HIVEP1: variants seen among roughly 807,000 people sequenced by gnomAD.
HIVEP1 encodes the protein HIVEP zinc finger 1, also known as zinc finger protein 40.
In HIVEP1, 36 loss-of-function variants were observed where a neutral mutation model predicts 180.0. The observed-to-expected ratio is 0.20, with a 90% CI of 0.15 to 0.26. The LOEUF is 0.26. HIVEP1 is among the 10% of genes least tolerant of loss of function. The pLI, the probability that HIVEP1 is intolerant of heterozygous loss-of-function variation, is 1.00. For synonymous variants in HIVEP1, 1,239 were observed against 1,239.0 expected, an observed-to-expected ratio of 1.00 and a Z score of 0.00; for missense variants, 3,143 against 3,268.7, an observed-to-expected ratio of 0.96 and a Z score of 0.94.
intron 3 of HIVEP1, among the ~76,000 whole-genome samples, chr6:12,096,578 T>C (rs1177058339): frequency 2.0e-5 from 3 of 151,846 alleles, no homozygotes; most frequent in Non-Finnish European, 4.4e-5. Flanking sequence ...AATAATATTT[T>C]TGAAGATAAT....
At chr6:12,104,463 T>A in intron 3 of HIVEP1, among the ~76,000 whole-genome samples, 1 of 136,422 alleles carries the variant, frequency 7.3e-6, no homozygotes, top group South Asian at 2.6e-4. Flanking sequence ...AGACAGGGTC[T>A]TGCTCAGTCA....
chr6:12,148,998 C>A (rs1278337082), intron 7 of HIVEP1, among the ~76,000 whole-genome samples: 1 of 152,178 alleles, frequency 6.6e-6, no homozygotes, highest in Non-Finnish European at 1.5e-5. Flanking sequence ...AGCCACGTGT[C>A]TTTTCAGGAA....
chr6:12,139,105 C>T (rs1013738602), intron 7 of HIVEP1, among the ~76,000 whole-genome samples: 1 of 151,936 alleles, frequency 6.6e-6, no homozygotes, highest in Admixed American at 6.6e-5. Context: ...CCAAAGTGGC[C>T]TTGTAACAAT....
At chr6:12,181,399 A>T in the HIVEP1 span, among the ~76,000 whole-genome samples, 790 of 151,762 alleles carry the variant, frequency 5.2e-3, 6 homozygotes, top group African/African-American at 0.017. Flanking sequence ...ATAAATAAAA[A>T]TTTTTTTAGA....
At chr6:12,127,294 C>G (rs761585566) in intron 4 of HIVEP1, among the ~76,000 whole-genome samples, 36 of 152,284 alleles carry the variant, frequency 2.4e-4, no homozygotes, top group Non-Finnish European at 4.1e-4. Flanking sequence ...AAAATCAAAT[C>G]ATGTGTATGG....
chr6:12,139,717 C>G (rs1267259766), intron 7 of HIVEP1, among the ~76,000 whole-genome samples: 2 of 152,250 alleles, frequency 1.3e-5, no homozygotes, highest in East Asian at 1.9e-4. Flanking sequence ...CCCATGCCCA[C>G]AGAGCCTTGC....
chr6:12,009,027 C>CGGAGG (rs1561846212), upstream of HIVEP1, among the ~76,000 whole-genome samples: 10 of 151,450 alleles, frequency 6.6e-5, no homozygotes, highest in East Asian at 7.8e-4. Context: ...GCCCAGCGCG[C>CGGAGG]GCGGAGGGCG....
chr6:12,105,664 C>A (rs1419993477), intron 3 of HIVEP1, among the ~76,000 whole-genome samples: 1 of 152,130 alleles, frequency 6.6e-6, no homozygotes, highest in Non-Finnish European at 1.5e-5. Flanking sequence ...CAGATACTTT[C>A]TCAGTTTCTC....
At chr6:12,017,067 T>C (rs1008703210) in intron 2 of HIVEP1, among the ~76,000 whole-genome samples, 15 of 152,204 alleles carry the variant, frequency 9.9e-5, no homozygotes, top group Admixed American at 3.3e-4. Flanking sequence ...GAAGGTGTTA[T>C]TTATTAGGCC....
chr6:12,205,838 C>T, the HIVEP1 span, among the ~76,000 whole-genome samples: 12 of 152,334 alleles, frequency 7.9e-5, no homozygotes, highest in South Asian at 1.9e-3. Flanking sequence ...TCAGGATCCA[C>T]ACCCAGGTCT....
At chr6:12,083,036 T>C (rs1248834633) in intron 2 of HIVEP1, among the ~76,000 whole-genome samples, 2 of 152,148 alleles carry the variant, frequency 1.3e-5, no homozygotes, top group Non-Finnish European at 2.9e-5. Context: ...TTATAGGTAC[T>C]TTAGTAATTG....
the HIVEP1 span, among the ~76,000 whole-genome samples, chr6:12,180,432 T>C: frequency 1.3e-5 from 2 of 152,208 alleles, no homozygotes; most frequent in African/African-American, 4.8e-5. Flanking sequence ...ACTATAATTA[T>C]AAGCATTCAA....
Position 12,164,554 on chromosome 6 carries a change from A to G in HIVEP1, c.*93A>G. 3.2e-6 allele frequency: 3 copies of G among 925,824 alleles called. No individual in the cohort carries two copies. The highest frequency in any genetic ancestry group is 3.2e-6 in the Non-Finnish European group (2 of 632,328). 57.4% of individuals were successfully genotyped at this position (925,824 alleles called of 1,614,324 possible). ...CCTTAAAGCACATTTTTCTGACATA[A>G]ACTCATGACTAATCTTTGTGCAATC... On this transcript the variant is annotated 3_prime_UTR_variant, in exon 9 of 9. Transcript: ENST00000379388.
At chr6:12,108,484 G>C (rs1165651488) in intron 3 of HIVEP1, among the ~76,000 whole-genome samples, 2 of 152,252 alleles carry the variant, frequency 1.3e-5, no homozygotes, top group Non-Finnish European at 2.9e-5. Context: ...AGCCCACGGA[G>C]GGGGTGGGAG....
intron 2 of HIVEP1, among the ~76,000 whole-genome samples, chr6:12,079,781 T>G (rs1408151415): frequency 2.6e-5 from 4 of 152,154 alleles, no homozygotes; most frequent in African/African-American, 7.2e-5. Context: ...CAGCAATTAT[T>G]TAACAACTCT....
At chr6:12,071,871 T>C (rs1044339895) in intron 2 of HIVEP1, among the ~76,000 whole-genome samples, 3 of 152,234 alleles carry the variant, frequency 2.0e-5, no homozygotes, top group African/African-American at 7.2e-5. Context: ...GTTTTATTTA[T>C]ACATATACTG....
intron 2 of HIVEP1, among the ~76,000 whole-genome samples, chr6:12,088,455 AATT>A (rs1773246136): frequency 6.6e-6 from 1 of 152,110 alleles, no homozygotes; most frequent in African/African-American, 2.4e-5. Flanking sequence ...AGTTTAAATT[AATT>A]ATTATTGAAA....
At chr6:12,046,555 T>C (rs1770129312) in intron 2 of HIVEP1, among the ~76,000 whole-genome samples, 2 of 152,112 alleles carry the variant, frequency 1.3e-5, no homozygotes, top group Non-Finnish European at 2.9e-5. Flanking sequence ...CTGAGGTGGG[T>C]GGATCACGAG....
intron 3 of HIVEP1, among the ~76,000 whole-genome samples, chr6:12,101,912 T>G (rs1010135714): frequency 1.4e-5 from 2 of 140,956 alleles, no homozygotes; most frequent in Non-Finnish European, 3.1e-5. Flanking sequence ...TAGGAAAAGA[T>G]GTATCATGCA....
Sources: gnomAD v4.1 joint callset for allele counts (sites outside exome capture counted in the v4.1 genomes callset) on GRCh38, gnomAD v4.1.1 for gene constraint, MANE v1.5 for transcripts, NCBI Gene and HGNC (gene_info 2026-07-23, HGNC 2026-07-21) for gene names.